FRYL: variants seen among roughly 807,000 people sequenced by gnomAD.
The protein encoded by FRYL is FRY like transcription coactivator, also known as protein furry homolog-like.
A neutral mutation model predicts 351.2 loss-of-function variants in FRYL; 150 were observed. That is an observed-to-expected ratio of 0.43 (90% CI 0.37 to 0.49). The LOEUF (loss-of-function observed/expected upper bound fraction) is 0.49. Among genes scored for constraint, FRYL ranks in the 20% least tolerant of loss-of-function variants. The pLI, the probability that FRYL is intolerant of heterozygous loss-of-function variation, is 0.00. For missense variants in FRYL, 3,036 were observed against 3,619.3 expected (o/e 0.84, Z 4.13); for synonymous variants, 1,153 against 1,257.1 (o/e 0.92, Z 1.75).
At chr4:48,520,920 TAACTC>T in intron 55 of FRYL, 123 bp downstream of exon 55, 1 of 592,830 alleles carries the variant, frequency 1.7e-6, no homozygotes, top group Non-Finnish European at 2.8e-6. Flanking sequence ...TCATTTAAAA[TAACTC>T]AACAGGTTAG....
chr4:48,550,778 T>C (rs1732535491), intron 37 of FRYL, 74 bp from the exon 38 acceptor site: 1 of 1,153,304 alleles, frequency 8.7e-7, no homozygotes, highest in African/African-American at 1.5e-5. Context: ...TCACTTTCTC[T>C]GTTTAAAAAA....
intron 42 of FRYL, among the ~76,000 whole-genome samples, chr4:48,545,611 C>A (rs576114908): frequency 3.3e-5 from 5 of 152,292 alleles, no homozygotes; most frequent in African/African-American, 1.2e-4. Context: ...GAACAACTCT[C>A]TTTTCTCTGC....
rs1224074670 is a variant in FRYL, at chr4:48,498,672, T to A, written c.*750A>T. The A allele has an allele frequency of 6.6e-6, 1 of 152,630 alleles. No individual in the cohort carries two copies. Among genetic ancestry groups the A allele is most frequent in the Admixed American group, 6.5e-5 (1 of 15,278 alleles). The allele number at this position is 152,630 out of a possible 1,614,324, so 9.5% of individuals were successfully genotyped here. A position where few individuals can be genotyped will look rare whatever the true frequency, so the allele number is the denominator to read the frequency against. ...CAGTTTTAAAATATTATTAAAATGT[T>A]CTAACATTTACATACTATGAAGAGT... On this transcript the variant is annotated 3_prime_UTR_variant, in exon 64 of 64. Transcript: ENST00000358350.
At chr4:48,595,749 T>A in intron 14 of FRYL, 51 bp from the exon 15 acceptor site, 1 of 1,284,064 alleles carries the variant, frequency 7.8e-7, no homozygotes, top group South Asian at 1.3e-5. Flanking sequence ...CAACAGCATA[T>A]TAGCAAAAAA....
Position 48,528,049 on chromosome 4 carries a change from A to C in FRYL, c.7066-4T>G, listed in dbSNP as rs1726660807. 6.4e-7 allele frequency: 1 copy of C among 1,572,542 alleles called. No individual in the cohort carries two copies. The highest frequency in any genetic ancestry group is 8.6e-7 in the Non-Finnish European group (1 of 1,166,874). The stretch of plus-strand genomic sequence containing the variant: ...TTAGCTTTTCTCTTGTTCTTCGCTA[A>C]AGGAAAAAAAAAAATTAAAATGTTA... On this transcript the variant is annotated splice_polypyrimidine_tract_variant and splice_region_variant and intron_variant, in intron 51 of 63. Coordinates refer to ENST00000358350, the MANE Select transcript of FRYL (RefSeq NM_015030.2).
At chr4:48,760,254 C>CAGAGA (rs1345684483) in intron 1 of FRYL, among the ~76,000 whole-genome samples, 1 of 152,064 alleles carries the variant, frequency 6.6e-6, no homozygotes, top group African/African-American at 2.4e-5. Flanking sequence ...CCTCTGCCTC[C>CAGAGA]TGGGTTCAAG....
At chr4:48,762,889 T>C (rs1402401562) in intron 1 of FRYL, among the ~76,000 whole-genome samples, 38 of 152,168 alleles carry the variant, frequency 2.5e-4, no homozygotes, top group Non-Finnish European at 5.6e-4. Flanking sequence ...AACAAAAATA[T>C]ATCAAAATAA....
intron 53 of FRYL, among the ~76,000 whole-genome samples, chr4:48,527,218 AAGCATACCCTG>A: frequency 6.6e-6 from 1 of 152,186 alleles, no homozygotes; most frequent in African/African-American, 2.4e-5. Flanking sequence ...ATTTAAGTCT[AAGCATACCCTG>A]AAAATAATTT....
At chr4:48,735,971 T>TAAA (rs71191254) in intron 1 of FRYL, among the ~76,000 whole-genome samples, 13 of 100,732 alleles carry the variant, frequency 1.3e-4, no homozygotes, top group African/African-American at 4.7e-4. Context: ...TAGAGTATAA[T>TAAA]AAAAAAAAAA....
intron 49 of FRYL, among the ~76,000 whole-genome samples, chr4:48,533,658 G>C (rs1193465086): frequency 6.6e-6 from 1 of 152,156 alleles, no homozygotes; most frequent in Non-Finnish European, 1.5e-5. Flanking sequence ...CCATCCTACT[G>C]ATCTGCTCAG....
chr4:48,670,339 AG>A (rs760534778), intron 3 of FRYL, among the ~76,000 whole-genome samples: 2 of 151,938 alleles, frequency 1.3e-5, no homozygotes, highest in Non-Finnish European at 2.9e-5. Context: ...AGGCTGAGGC[AG>A]GAAGACTGCT....
intron 1 of FRYL, among the ~76,000 whole-genome samples, chr4:48,779,607 T>TGGTCGCCGGTGCCGC (rs963801760): frequency 2.0e-5 from 3 of 151,868 alleles, no homozygotes; most frequent in African/African-American, 7.3e-5. Context: ...GGCGGAGCCG[T>TGGTCGCCGGTGCCGC]GGTCGCCGGT....
At chr4:48,627,370 T>TCATGTAG (rs1376287943) in intron 4 of FRYL, among the ~76,000 whole-genome samples, 1 of 152,164 alleles carries the variant, frequency 6.6e-6, no homozygotes, top group Non-Finnish European at 1.5e-5. Context: ...AGTTTTTTAC[T>TCATGTAG]CATGTAGCAT....
chr4:48,735,015 C>G (rs1226847674), intron 1 of FRYL, among the ~76,000 whole-genome samples: 1 of 146,922 alleles, frequency 6.8e-6, no homozygotes, highest in Non-Finnish European at 1.5e-5. Flanking sequence ...AAAGAAACTA[C>G]CATCAGAGTG....
At position 48,576,106 on chromosome 4, in the gene FRYL, G is replaced by A; in HGVS notation, c.2645C>T (p.Ser882Phe). ...CSAATSSSSTSAGSVRCSPPE... is the reference protein window; with the variant it reads ...CSAATSSSSTFAGSVRCSPPE... Reference sequence around the variant, plus strand: ...AGGAGAACATCTCACAGAACCTGCAGATGTGGAAGATGACGATGTTGCTGC... The same window carrying A: ...AGGAGAACATCTCACAGAACCTGCAAATGTGGAAGATGACGATGTTGCTGC... Residue 882 changes from serine (S) to phenylalanine (F), a missense_variant, in exon 24 of 64, where the codon TCT becomes TTT. By Grantham distance (155) the Ser-to-Phe change is radical. Coordinates refer to ENST00000358350, the MANE Select transcript of FRYL (RefSeq NM_015030.2). 6.2e-7 allele frequency: 1 copy of A among 1,613,996 alleles called. No homozygotes were observed. Among genetic ancestry groups the A allele is most frequent in the Non-Finnish European group, 8.5e-7 (1 of 1,179,940 alleles).
chr4:48,741,923 T>C lies in FRYL; in HGVS notation c.-383-31225A>G, dbSNP rs1369866990. On this transcript the variant is annotated intron_variant, in intron 1 of 63. Coordinates refer to ENST00000358350, the MANE Select transcript of FRYL (RefSeq NM_015030.2). The stretch of plus-strand genomic sequence containing the variant: ...TTTTTAAGGCAATGAAGCTACTTTG[T>C]ATACTATAATAGTGGATACATGTCA... Among the ~76,000 whole-genome samples the C allele has an allele frequency of 7.2e-5, 11 of 152,312 alleles. No individual in the cohort carries two copies. In the South Asian group the frequency reaches 2.1e-3, roughly 29 times the overall value.
intron 6 of FRYL, 39 bp downstream of exon 6, chr4:48,620,600 G>A (rs1377968791): frequency 3.2e-6 from 5 of 1,564,718 alleles, no homozygotes; most frequent in Non-Finnish European, 4.4e-6. Flanking sequence ...TTGGAAGTGT[G>A]TTAATTCCAG....
chr4:48,521,661 C>T (rs1481328404), intron 54 of FRYL, among the ~76,000 whole-genome samples: 1 of 152,162 alleles, frequency 6.6e-6, no homozygotes, highest in Non-Finnish European at 1.5e-5. Context: ...ACCATACTTG[C>T]CTTGTGTTAG....
chr4:48,539,035 C>T (rs1248408872), intron 47 of FRYL, among the ~76,000 whole-genome samples: 1 of 152,086 alleles, frequency 6.6e-6, no homozygotes, highest in Non-Finnish European at 1.5e-5. Flanking sequence ...AGAGCTATAA[C>T]ACTTTTAAAC....
Sources: gnomAD v4.1 joint callset for allele counts (sites outside exome capture counted in the v4.1 genomes callset) on GRCh38, gnomAD v4.1.1 for gene constraint, MANE v1.5 for transcripts, NCBI Gene and HGNC (gene_info 2026-07-23, HGNC 2026-07-21) for gene names.